KAT7: variants seen among roughly 807,000 people sequenced by gnomAD.
The protein encoded by KAT7 is lysine acetyltransferase 7.
In KAT7, 10 loss-of-function variants were observed where a neutral mutation model predicts 82.1. The observed-to-expected ratio is 0.12, with a 90% CI of 0.08 to 0.21. KAT7 has a LOEUF of 0.21. Ranked by LOEUF, KAT7 falls within the 10% of genes least tolerant of loss-of-function variation. The probability of loss-of-function intolerance (pLI) is 1.00; values close to 1 mark genes in which losing one functional copy is unlikely to be tolerated. For missense variants in KAT7, 378 were observed against 760.9 expected, an observed-to-expected ratio of 0.50 and a Z score of 5.92; for synonymous variants, 250 against 262.5, an observed-to-expected ratio of 0.95 and a Z score of 0.46.
At chr17:49,823,092 A>T in intron 11 of KAT7, 110 bp from the exon 12 acceptor site, 1 of 673,856 alleles carries the variant, frequency 1.5e-6, no homozygotes, top group East Asian at 2.6e-5. Flanking sequence ...ACTCCTTGGG[A>T]CTGGTTAGCC....
At chr17:49,821,258 C>G (rs7223189) in intron 9 of KAT7, 79 bp from the exon 10 acceptor site, 1 of 1,025,786 alleles carries the variant, frequency 9.7e-7, no homozygotes, top group African/African-American at 1.6e-5. Context: ...CACATTTGAC[C>G]TGTCATTCCT....
chr17:49,813,024 T>TA (rs1476643988), intron 7 of KAT7, among the ~76,000 whole-genome samples: 70 of 140,346 alleles, frequency 5.0e-4, no homozygotes, highest in African/African-American at 1.7e-3. Context: ...TTTTTTTTTT[T>TA]AAATTTATTT....
At chr17:49,802,336 A>G (rs1449088834) in intron 4 of KAT7, among the ~76,000 whole-genome samples, 2 of 152,164 alleles carry the variant, frequency 1.3e-5, no homozygotes, top group Non-Finnish European at 2.9e-5. Context: ...GTTTTATTTA[A>G]CATATAAAAG....
intron 5 of KAT7, among the ~76,000 whole-genome samples, chr17:49,806,615 C>T (rs2074094863): frequency 6.6e-6 from 1 of 152,122 alleles, no homozygotes; most frequent in African/African-American, 2.4e-5. Context: ...TGAGAGTTGT[C>T]CTCTACCACT....
At chr17:49,818,853 C>T (rs1184802722) in intron 9 of KAT7, among the ~76,000 whole-genome samples, 1 of 152,058 alleles carries the variant, frequency 6.6e-6, no homozygotes, top group African/African-American at 2.4e-5. Context: ...ATTCTCCTGC[C>T]TCAGCCTCCT....
chr17:49,798,730 T>C (rs925934439), intron 4 of KAT7, among the ~76,000 whole-genome samples, 172 bp downstream of exon 4: 2 of 152,232 alleles, frequency 1.3e-5, no homozygotes, highest in Non-Finnish European at 2.9e-5. Flanking sequence ...TCTTGGCCGA[T>C]GGTCCATAAT....
intron 4 of KAT7, among the ~76,000 whole-genome samples, chr17:49,798,875 A>G (rs1179549918): frequency 2.0e-5 from 3 of 152,212 alleles, no homozygotes; most frequent in Admixed American, 2.0e-4. Context: ...TGCATGGCAC[A>G]TAGCTCGTAC....
chr17:49,825,933 C>T (rs1053097635), intron 12 of KAT7, 67 bp from the exon 13 acceptor site: 1 of 1,511,256 alleles, frequency 6.6e-7, no homozygotes, highest in Non-Finnish European at 9.0e-7. Context: ...CATGTTGGCA[C>T]ACAGTTTTTT....
At position 49,798,406 on chromosome 17, in the gene KAT7, C is replaced by T. The variant is rs1159079196; in HGVS notation, c.428C>T (p.Ser143Phe). The T allele has an allele frequency of 6.2e-7, 1 of 1,614,212 alleles. No homozygotes were observed. Among genetic ancestry groups the T allele is most frequent in the Admixed American group, 1.7e-5 (1 of 60,022 alleles). Residue 143 changes from serine to phenylalanine, a missense_variant, in exon 4 of 15, where the codon TCC becomes TTC. Ser to Phe is a radical substitution (Grantham distance 155, BLOSUM62 -2). Transcript: ENST00000259021. Reference sequence around the variant, plus strand: ...TCTTCTGAGTCTGACATAGACATCTCCAGCCCCAATGTATCTCACGATGAG... The same window carrying T: ...TCTTCTGAGTCTGACATAGACATCTTCAGCCCCAATGTATCTCACGATGAG... ...APSSESDIDI[S>F]SPNVSHDESI...
intron 9 of KAT7, among the ~76,000 whole-genome samples, chr17:49,819,612 A>G (rs1229096476): frequency 1.3e-5 from 2 of 152,232 alleles, no homozygotes; most frequent in Admixed American, 6.5e-5. Context: ...TCAAATAAAC[A>G]TTCTGAATAT....
intron 4 of KAT7, 150 bp from the exon 5 acceptor site, chr17:49,805,213 C>A (rs945614923): frequency 1.7e-6 from 1 of 591,074 alleles, no homozygotes; most frequent in Non-Finnish European, 3.0e-6. Flanking sequence ...TAAGTTATAG[C>A]CCTACCAGCC....
intron 1 of KAT7, among the ~76,000 whole-genome samples, chr17:49,790,188 A>G (rs1432478312): frequency 6.6e-6 from 1 of 151,820 alleles, no homozygotes. Flanking sequence ...GGTGGTATGT[A>G]TGTGTTTTTT....
At chr17:49,826,186 A>G (rs1375403048) in intron 13 of KAT7, 40 bp downstream of exon 13, 1 of 1,585,832 alleles carries the variant, frequency 6.3e-7, no homozygotes, top group African/African-American at 1.3e-5. Context: ...TTGTTACCCA[A>G]GAAGTTAACT....
intron 7 of KAT7, among the ~76,000 whole-genome samples, chr17:49,812,086 A>G (rs1282116602): frequency 1.3e-5 from 2 of 152,190 alleles, no homozygotes; most frequent in Admixed American, 6.6e-5. Context: ...GATTAAGCAA[A>G]GTATATGGAA....
Position 49,826,558 on chromosome 17 carries a change from C to T in KAT7, c.1628-135C>T, listed in dbSNP as rs536909799. 1.0e-4 allele frequency: 69 copies of T among 664,138 alleles called. No individual in the cohort carries two copies. The South Asian group carries it at 1.1e-3, about 11-fold the overall frequency. The allele number at this position is 664,138 out of a possible 1,614,324, so 41.1% of individuals were successfully genotyped here. ...GGTCAAATGAATACTTTGTAAACTC[C>T]TTCTAAACAGATTGGGTTGAGTACA... On this transcript the variant is annotated intron_variant, in intron 13 of 14. Coordinates refer to ENST00000259021, the MANE Select transcript of KAT7 (RefSeq NM_007067.5).
chr17:49,819,278 G>C (rs2074273095), intron 9 of KAT7, among the ~76,000 whole-genome samples: 1 of 152,154 alleles, frequency 6.6e-6, no homozygotes, highest in Non-Finnish European at 1.5e-5. Context: ...CTTTGACTCA[G>C]GTTCTCCAGA....
At position 49,834,668 on chromosome 17, in the gene KAT7, A is replaced by G. The variant is rs918705821; in HGVS notation, c.*7166A>G. 1 of 152,184 alleles carries G rather than the reference A, an allele frequency of 6.6e-6. No individual in the cohort carries two copies. Among genetic ancestry groups the G allele is most frequent in the Admixed American group, 6.5e-5 (1 of 15,286 alleles). The allele number at this position is 152,184 out of a possible 1,614,324, so 9.4% of individuals were successfully genotyped here. A position where few individuals can be genotyped will look rare whatever the true frequency, so the allele number is the denominator to read the frequency against. The stretch of plus-strand genomic sequence containing the variant: ...GTTTACTGAGAAAGCCTCCACTTCA[A>G]CGTTCCATGAAGTGTGTTCCATTAA... On this transcript the variant is annotated 3_prime_UTR_variant, in exon 15 of 15. Coordinates refer to ENST00000259021, the MANE Select transcript of KAT7 (RefSeq NM_007067.5).
Position 49,826,123 on chromosome 17 carries a change from A to G in KAT7, c.1604A>G (p.Gln535Arg). The G allele has an allele frequency of 6.2e-7, 1 of 1,613,914 alleles. No homozygotes were observed. The highest frequency in any genetic ancestry group is 1.1e-5 in the South Asian group (1 of 91,066). Residue 535 changes from glutamine (Q) to arginine (R), a missense_variant, in exon 13 of 15, where the codon CAA becomes CGA. Gln to Arg is a conservative substitution (Grantham distance 43, BLOSUM62 1). This residue lies in a region of KAT7 where 44 missense variants were observed against 102.2 expected (regional missense o/e 0.43). Transcript: ENST00000259021. Reference sequence around the variant, plus strand: ...CTTCTCCGCTACCTGCATAATTTTCAAGGCAAAGAGATTTCTATCAAAGGT... The same window carrying G: ...CTTCTCCGCTACCTGCATAATTTTCGAGGCAAAGAGATTTCTATCAAAGGT... ...EVLLRYLHNF[Q>R]GKEISIKEIS...
At chr17:49,815,504 T>G (rs1407072485) in intron 7 of KAT7, 1 of 231,230 alleles carries the variant, frequency 4.3e-6, no homozygotes, top group African/African-American at 2.3e-5. Context: ...CATGTAAATT[T>G]TTACATGAAG....
Sources: gnomAD v4.1 joint callset for allele counts (sites outside exome capture counted in the v4.1 genomes callset) on GRCh38, gnomAD v4.1.1 for gene constraint, gnomAD v4.1.1 regional missense constraint, MANE v1.5 for transcripts, NCBI Gene and HGNC (gene_info 2026-07-23, HGNC 2026-07-21) for gene names.